Variants in RGSL1 observed in about 807,000 individuals in gnomAD.
The protein encoded by RGSL1 is regulator of G protein signaling protein-like.
In RGSL1, 97 loss-of-function variants were observed where a neutral mutation model predicts 124.7. The ratio of observed to expected loss-of-function variants is 0.78; its 90% CI spans 0.66 to 0.92. The LOEUF (loss-of-function observed/expected upper bound fraction) is 0.92. RGSL1 is among the 40% of genes least tolerant of loss of function. The pLI, the probability that RGSL1 is intolerant of heterozygous loss-of-function variation, is 0.00. For synonymous variants in RGSL1, 424 were observed against 438.1 expected (o/e 0.97, Z 0.40); for missense variants, 1,233 against 1,288.4 (o/e 0.96, Z 0.66).
At chr1:182,508,193 T>C (rs1463092083) in intron 9 of RGSL1, among the ~76,000 whole-genome samples, 1 of 152,062 alleles carries the variant, frequency 6.6e-6, no homozygotes, top group East Asian at 1.9e-4. Flanking sequence ...CAGCATCGTT[T>C]ATTCCATCTT....
intron 13 of RGSL1, among the ~76,000 whole-genome samples, chr1:182,531,159 C>CAAA (rs756622068): frequency 6.6e-6 from 1 of 152,214 alleles, no homozygotes; most frequent in Non-Finnish European, 1.5e-5. Flanking sequence ...GGCAATGAAG[C>CAAA]AAAGTGGTTT....
chr1:182,556,537 T>A (rs1201912605), intron 21 of RGSL1, among the ~76,000 whole-genome samples: 1 of 152,192 alleles, frequency 6.6e-6, no homozygotes, highest in Non-Finnish European at 1.5e-5. Flanking sequence ...TTCATTTATT[T>A]TTAAACAGTT....
In RGSL1 at chr1:182,508,594, C is replaced by T. The variant is rs58739379; in HGVS notation, c.1826-13410C>T. Among the ~76,000 whole-genome samples the T allele has an allele frequency of 1.7e-3, 260 of 151,352 alleles. 1 individual carries two copies. The highest frequency in any genetic ancestry group is 4.6e-3 in the African/African-American group (192 of 41,320). On this transcript the variant is annotated intron_variant, in intron 9 of 21. Coordinates refer to ENST00000294854, the MANE Select transcript of RGSL1 (RefSeq NM_001137669.2). ...GATTACAGGCGTGAGCCACTGCACC[C>T]GGCTCTCATAGTTTTGATTTGCATT...
At chr1:182,546,918 G>A (rs954075625) in intron 15 of RGSL1, among the ~76,000 whole-genome samples, 1 of 152,172 alleles carries the variant, frequency 6.6e-6, no homozygotes, top group Admixed American at 6.5e-5. Context: ...AGAAAGATGA[G>A]AATGTACTAA....
chr1:182,509,625 G>A (rs1176313749), intron 9 of RGSL1, among the ~76,000 whole-genome samples: 5 of 129,580 alleles, frequency 3.9e-5, no homozygotes, highest in African/African-American at 6.1e-5. Flanking sequence ...CTGGGCAGAG[G>A]CGCCCCTCAC....
intron 17 of RGSL1, 81 bp downstream of exon 17, chr1:182,548,905 C>G (rs566517625): frequency 1.3e-6 from 2 of 1,490,886 alleles, no homozygotes; most frequent in South Asian, 2.7e-5. Flanking sequence ...CTTCCTCTAG[C>G]ACTCTGTTTC....
chr1:182,457,917 C>G (rs1652476548), intron 2 of RGSL1, among the ~76,000 whole-genome samples: 1 of 152,210 alleles, frequency 6.6e-6, no homozygotes, highest in Non-Finnish European at 1.5e-5. Flanking sequence ...TTTAGGTAAA[C>G]CCAAAGCTAT....
At chr1:182,519,715 A>G (rs1658183601) in intron 9 of RGSL1, among the ~76,000 whole-genome samples, 1 of 151,946 alleles carries the variant, frequency 6.6e-6, no homozygotes, top group South Asian at 2.1e-4. Flanking sequence ...TGACATTTTA[A>G]GTATATTTCG....
At chr1:182,496,882 C>T (rs111553665) in intron 9 of RGSL1, among the ~76,000 whole-genome samples, 896 of 40,476 alleles carry the variant, frequency 0.022, 9 homozygotes, top group African/African-American at 0.088. Flanking sequence ...ACACTGGATT[C>T]TAGAACCTTT....
intron 9 of RGSL1, among the ~76,000 whole-genome samples, chr1:182,507,702 T>G (rs78373904): frequency 7.1e-6 from 1 of 141,550 alleles, no homozygotes; most frequent in African/African-American, 2.9e-5. Context: ...GGAGTGCAGA[T>G]TTTTTTTTTT....
chr1:182,469,617 T>G (rs1052197217), intron 4 of RGSL1, among the ~76,000 whole-genome samples: 3 of 152,100 alleles, frequency 2.0e-5, no homozygotes, highest in Non-Finnish European at 4.4e-5. Flanking sequence ...AAATTAAAAA[T>G]AGAATTACCA....
intron 11 of RGSL1, 79 bp downstream of exon 11, chr1:182,527,851 T>C: frequency 8.1e-7 from 1 of 1,239,898 alleles, no homozygotes; most frequent in Non-Finnish European, 1.1e-6. Flanking sequence ...GCCTACCTCA[T>C]GTGAGCCCCC....
chr1:182,546,751 T>C (rs545102789), intron 15 of RGSL1, among the ~76,000 whole-genome samples: 2 of 152,348 alleles, frequency 1.3e-5, no homozygotes, highest in South Asian at 2.1e-4. Context: ...TTCTAACTTG[T>C]TTTCATAGAA....
intron 4 of RGSL1, among the ~76,000 whole-genome samples, chr1:182,466,952 A>G (rs960305728): frequency 1.3e-5 from 2 of 152,220 alleles, no homozygotes; most frequent in East Asian, 1.9e-4. Context: ...GTGTGGTGCA[A>G]GCATTCTTAT....
chr1:182,485,917 C>A (rs918393836), intron 6 of RGSL1, among the ~76,000 whole-genome samples: 1 of 152,172 alleles, frequency 6.6e-6, no homozygotes, highest in South Asian at 2.1e-4. Context: ...AAACTGTGCC[C>A]GTTTGTTTAC....
At chr1:182,452,468 T>A (rs1651924695) in intron 1 of RGSL1, among the ~76,000 whole-genome samples, 1 of 151,848 alleles carries the variant, frequency 6.6e-6, no homozygotes, top group Non-Finnish European at 1.5e-5. Context: ...TTTTTTTTTT[T>A]TTGAGACAGA....
intron 6 of RGSL1, among the ~76,000 whole-genome samples, chr1:182,481,211 A>G (rs927900388): frequency 9.5e-6 from 1 of 105,016 alleles, no homozygotes; most frequent in Non-Finnish European, 2.0e-5. Context: ...AGCTAGGCTT[A>G]AAAAAAAGAG....
intron 9 of RGSL1, among the ~76,000 whole-genome samples, chr1:182,498,375 G>A (rs1656093171): frequency 6.6e-6 from 1 of 152,080 alleles, no homozygotes; most frequent in Non-Finnish European, 1.5e-5. Flanking sequence ...TTTATTTGAA[G>A]AGCCTCATTC....
intron 13 of RGSL1, among the ~76,000 whole-genome samples, chr1:182,531,895 T>C (rs986656560): frequency 1.1e-4 from 16 of 152,186 alleles, no homozygotes; most frequent in South Asian, 8.3e-4. Context: ...CATGGAGACA[T>C]TGAGACATAG....
Sources: gnomAD v4.1 joint callset for allele counts (sites outside exome capture counted in the v4.1 genomes callset) on GRCh38, gnomAD v4.1.1 for gene constraint, MANE v1.5 for transcripts, NCBI Gene and HGNC (gene_info 2026-07-23, HGNC 2026-07-21) for gene names.